Variants in EHMT1 observed in about 807,000 individuals in gnomAD.
The protein encoded by EHMT1 is euchromatic histone lysine methyltransferase 1.
In EHMT1, 15 loss-of-function variants were observed where a neutral mutation model predicts 147.2. That is an observed-to-expected ratio of 0.10 (90% confidence interval 0.07 to 0.16). The LOEUF (loss-of-function observed/expected upper bound fraction) is 0.16, where lower values mean the gene tolerates loss of function less well. EHMT1 is among the 10% of genes least tolerant of loss of function. The pLI is 1.00. For missense variants in EHMT1, 1,587 were observed against 1,772.4 expected (o/e 0.90, Z 1.88); for synonymous variants, 795 against 709.6 (o/e 1.12, Z -1.91).
intron 4 of EHMT1, chr9:137,743,165 C>T (rs1394938994): frequency 1.0e-5 from 6 of 572,442 alleles, no homozygotes; most frequent in South Asian, 2.0e-5. Flanking sequence ...TGATCCAGGA[C>T]GTGTTTCTGA....
intron 1 of EHMT1, chr9:137,646,427 A>G (rs759884211): frequency 1.5e-4 from 145 of 985,366 alleles, no homozygotes; most frequent in Non-Finnish European, 1.7e-4. Context: ...TCTCTGGACA[A>G]TGGGCTGGAA....
At chr9:137,800,584 C>G in intron 17 of EHMT1, 1 of 480,412 alleles carries the variant, frequency 2.1e-6, no homozygotes, top group East Asian at 3.9e-5. Flanking sequence ...TGGTGCGTCC[C>G]CAGTGAGTGG....
At chr9:137,779,088 T>C (rs1951178766) in intron 13 of EHMT1, among the ~76,000 whole-genome samples, 1 of 152,214 alleles carries the variant, frequency 6.6e-6, no homozygotes, top group South Asian at 2.1e-4. Context: ...CCTCCAACAC[T>C]GGAGGTCACA....
intron 1 of EHMT1, among the ~76,000 whole-genome samples, chr9:137,704,231 A>T (rs920289044): frequency 6.6e-6 from 1 of 152,170 alleles, no homozygotes; most frequent in Non-Finnish European, 1.5e-5. Flanking sequence ...GAGCCAAACC[A>T]TATCACTATG....
At chr9:137,693,555 C>T (rs567915171) in intron 1 of EHMT1, among the ~76,000 whole-genome samples, 2 of 151,296 alleles carry the variant, frequency 1.3e-5, no homozygotes, top group South Asian at 2.1e-4. Context: ...CGCAGTGGTG[C>T]AGGACGCTGG....
rs1465793059 is a variant in EHMT1 at position 137,723,065 on chromosome 9, C to T, written c.643-5284C>T. On this transcript the variant is annotated intron_variant, in intron 3 of 26. Coordinates refer to ENST00000460843, the MANE Select transcript of EHMT1 (RefSeq NM_024757.5). ...TGTGTCTGTGGTTCTGGGCCTGAGC[C>T]GGGGGTGTGTCTGTGTCTGTGGTTC... 3.2e-3 allele frequency among the ~76,000 whole-genome samples: 403 copies of T among 124,622 alleles called. 17 individuals carry two copies. Among genetic ancestry groups the T allele is most frequent in the African/African-American group, 0.013 (381 of 28,424 alleles). 81.8% of individuals were successfully genotyped at this position (124,622 alleles called of 152,430 possible). A position where few individuals can be genotyped will look rare whatever the true frequency, so the allele number is the denominator to read the frequency against.
intron 3 of EHMT1, among the ~76,000 whole-genome samples, chr9:137,717,916 C>T (rs370797142): frequency 5.9e-5 from 9 of 152,198 alleles, no homozygotes; most frequent in East Asian, 3.9e-4. Flanking sequence ...GGAGACATGC[C>T]GAGGTCTCCC....
Position 137,776,970 on chromosome 9 carries a change from G to T in EHMT1, c.2018+126G>T. The T allele has an allele frequency of 1.1e-6, 1 of 873,164 alleles. No individual in the cohort carries two copies. Among genetic ancestry groups the T allele is most frequent in the Non-Finnish European group, 1.8e-6 (1 of 561,622 alleles). The allele number at this position is 873,164 out of a possible 1,614,324, so 54.1% of individuals were successfully genotyped here. ...CTCTGAGCTGATGCTGATGCTTATG[G>T]TGATTTCTGACATTTAAGACTCTGA... is the stretch of plus-strand genomic sequence containing the variant. On this transcript the variant is annotated intron_variant, in intron 12 of 26. Coordinates refer to ENST00000460843, the MANE Select transcript of EHMT1 (RefSeq NM_024757.5). The surrounding 1 kb of genome is among the most constrained non-coding windows in gnomAD (Gnocchi z 4.4).
At chr9:137,706,226 TG>T (rs1322258255) in intron 1 of EHMT1, among the ~76,000 whole-genome samples, 6 of 152,188 alleles carry the variant, frequency 3.9e-5, no homozygotes, top group Non-Finnish European at 8.8e-5. Flanking sequence ...GAAATGCAGA[TG>T]ATTTTTTTGG....
At chr9:137,640,330 G>A (rs1693783294) in intron 1 of EHMT1, among the ~76,000 whole-genome samples, 1 of 152,154 alleles carries the variant, frequency 6.6e-6, no homozygotes, top group African/African-American at 2.4e-5. Context: ...CCTGGCTGGA[G>A]TGCAGTGGCG....
chr9:137,705,908 T>G (rs925916139), intron 1 of EHMT1, among the ~76,000 whole-genome samples: 11 of 152,250 alleles, frequency 7.2e-5, no homozygotes, highest in African/African-American at 2.7e-4. Context: ...CTGGGGCTCC[T>G]GTCTACCTCT....
chr9:137,756,079 A>T (rs1337293533), intron 8 of EHMT1, among the ~76,000 whole-genome samples: 2 of 152,162 alleles, frequency 1.3e-5, no homozygotes, highest in African/African-American at 4.8e-5. Context: ...GAGTTATTTT[A>T]CTTGGGGGGT....
At chr9:137,718,896 C>T (rs1009052032) in intron 3 of EHMT1, among the ~76,000 whole-genome samples, 1 of 151,858 alleles carries the variant, frequency 6.6e-6, no homozygotes, top group African/African-American at 2.4e-5. Flanking sequence ...GCTGGGACTA[C>T]AGGCGCCTAC....
At chr9:137,641,384 T>A (rs1375940166) in intron 1 of EHMT1, 2 of 522,742 alleles carry the variant, frequency 3.8e-6, no homozygotes, top group Non-Finnish European at 7.6e-6. Flanking sequence ...AAAAACCTAT[T>A]CTGTAACCTG....
intron 3 of EHMT1, among the ~76,000 whole-genome samples, chr9:137,719,795 G>C (rs1348944414): frequency 1.3e-5 from 2 of 151,982 alleles, no homozygotes; most frequent in African/African-American, 4.8e-5. Context: ...TGGATGTGTG[G>C]AAACACCACT....
At chr9:137,735,338 T>C (rs889632173) in intron 4 of EHMT1, among the ~76,000 whole-genome samples, 33 of 152,314 alleles carry the variant, frequency 2.2e-4, no homozygotes, top group African/African-American at 6.7e-4. Context: ...AGAATGTTAT[T>C]ACTTTAGGAT....
Position 137,777,934 on chromosome 9 carries a change from C to T in EHMT1, c.2071C>T (p.His691Tyr). ...EDDKLQGAASHVPEGFDPTGP... is the reference protein window; with the variant it reads ...EDDKLQGAASYVPEGFDPTGP... ...CGACAAGCTGCAGGGTGCAGCCTCC[C>T]ACGTGCCCGAGGGCTTTGATCCAAC... The change falls in exon 13 of 27, where the codon CAC (histidine) becomes TAC (tyrosine). Residue 691 changes from histidine to tyrosine, a missense_variant. His to Tyr is a moderately conservative substitution (Grantham distance 83). Coordinates refer to ENST00000460843, the MANE Select transcript of EHMT1 (RefSeq NM_024757.5). 1 of 1,613,880 alleles carries T rather than the reference C, an allele frequency of 6.2e-7. No homozygotes were observed. Among genetic ancestry groups the T allele is most frequent in the South Asian group, 1.1e-5 (1 of 91,062 alleles).
chr9:137,678,662 G>T lies in EHMT1; in HGVS notation c.22-32305G>T, dbSNP rs558992075. On this transcript the variant is annotated intron_variant, in intron 1 of 26. Coordinates refer to ENST00000460843, the MANE Select transcript of EHMT1 (RefSeq NM_024757.5). ...TTTTTTCTTAGACACATATACCGAT[G>T]GTAAAGTTTAGTTTATAAATCAGGC... is the stretch of plus-strand genomic sequence containing the variant. Among the ~76,000 whole-genome samples the T allele has an allele frequency of 6.6e-5, 10 of 151,984 alleles. No individual in the cohort carries two copies. In the East Asian group the frequency reaches 1.9e-3, roughly 29 times the overall value.
intron 1 of EHMT1, among the ~76,000 whole-genome samples, chr9:137,635,807 G>C (rs185768029): frequency 6.6e-6 from 1 of 151,602 alleles, no homozygotes; most frequent in Non-Finnish European, 1.5e-5. Flanking sequence ...GCGACAGAGC[G>C]AGACTGTCTC....
Sources: gnomAD v4.1 joint callset for allele counts (sites outside exome capture counted in the v4.1 genomes callset) on GRCh38, gnomAD v4.1.1 for gene constraint, Gnocchi (gnomAD v3.1) non-coding constraint, MANE v1.5 for transcripts, NCBI Gene and HGNC (gene_info 2026-07-23, HGNC 2026-07-21) for gene names.